UBE2D2: variants seen among roughly 807,000 people sequenced by gnomAD.
The protein encoded by UBE2D2 is ubiquitin conjugating enzyme E2 D2.
Under a neutral mutation model 24.2 loss-of-function variants are expected in UBE2D2, and 2 were observed. The ratio of observed to expected loss-of-function variants is 0.08; its 90% CI spans 0.03 to 0.26. UBE2D2 has a LOEUF of 0.26. Among genes scored for constraint, UBE2D2 ranks in the 10% least tolerant of loss-of-function variants. UBE2D2 has a pLI of 1.00. For synonymous variants in UBE2D2, 58 were observed against 56.5 expected (o/e 1.03, Z -0.12); for missense variants, 44 against 177.6 (o/e 0.25, Z 4.28).
At chr5:139,622,921 T>G (rs1251658154) in intron 5 of UBE2D2, among the ~76,000 whole-genome samples, 1 of 140,966 alleles carries the variant, frequency 7.1e-6, no homozygotes. Flanking sequence ...AAAAAACTAT[T>G]TGCCAGGTGT....
intron 1 of UBE2D2, among the ~76,000 whole-genome samples, chr5:139,535,165 G>C (rs1427892861): frequency 6.7e-6 from 1 of 148,272 alleles, no homozygotes; most frequent in Non-Finnish European, 1.5e-5. Context: ...AATAAATAAA[G>C]TCAGGGTGTG....
intron 1 of UBE2D2, among the ~76,000 whole-genome samples, chr5:139,578,249 G>A (rs1470238637): frequency 6.6e-6 from 1 of 152,166 alleles, no homozygotes; most frequent in Non-Finnish European, 1.5e-5. Context: ...GCAAGGAACA[G>A]CTGTTTGTCT....
At chr5:139,568,300 C>T (rs181364022) in intron 1 of UBE2D2, among the ~76,000 whole-genome samples, 3 of 150,976 alleles carry the variant, frequency 2.0e-5, no homozygotes, top group South Asian at 2.1e-4. Context: ...GCCAAGATCT[C>T]GCCACTGCAC....
At chr5:139,624,022 C>CTAT (rs1754568193) in intron 6 of UBE2D2, among the ~76,000 whole-genome samples, 1 of 152,114 alleles carries the variant, frequency 6.6e-6, no homozygotes, top group South Asian at 2.1e-4. Context: ...TTTTCAACAG[C>CTAT]TTAATGCCTT....
intron 2 of UBE2D2, among the ~76,000 whole-genome samples, chr5:139,603,896 C>T (rs1353535204): frequency 6.6e-6 from 1 of 151,920 alleles, no homozygotes; most frequent in East Asian, 1.9e-4. Context: ...CTGCAGTGAG[C>T]CGAGATCACG....
intron 1 of UBE2D2, among the ~76,000 whole-genome samples, chr5:139,547,164 G>A (rs577129374): frequency 6.6e-6 from 1 of 151,624 alleles, no homozygotes; most frequent in Non-Finnish European, 1.5e-5. Context: ...AGTGGCGGGC[G>A]CCTGTAGTCC....
At chr5:139,555,924 CAAAAAAAA>C (rs1168084041) in intron 1 of UBE2D2, among the ~76,000 whole-genome samples, 60 of 9,310 alleles carry the variant, frequency 6.4e-3, no homozygotes, top group Non-Finnish European at 9.2e-3. Flanking sequence ...GACTCCATCT[CAAAAAAAA>C]AAAAAAAAAA....
chr5:139,595,488 C>T (rs1031456651), intron 1 of UBE2D2, among the ~76,000 whole-genome samples: 2 of 152,072 alleles, frequency 1.3e-5, no homozygotes, highest in African/African-American at 4.8e-5. Flanking sequence ...AAGCGATTCT[C>T]CTGCCTCAGG....
At chr5:139,586,466 TAAA>T (rs1753727626) in intron 1 of UBE2D2, among the ~76,000 whole-genome samples, 1 of 152,016 alleles carries the variant, frequency 6.6e-6, no homozygotes. Context: ...ATGATGAGTC[TAAA>T]AAAGAATTTT....
intron 1 of UBE2D2, among the ~76,000 whole-genome samples, chr5:139,527,685 T>A (rs1186815148): frequency 6.6e-6 from 1 of 152,162 alleles, no homozygotes; most frequent in Admixed American, 6.5e-5. Context: ...AAAAGAATGT[T>A]TGTAATAAGT....
chr5:139,564,938 T>C (rs1231566318), intron 1 of UBE2D2, among the ~76,000 whole-genome samples: 2 of 152,210 alleles, frequency 1.3e-5, no homozygotes, highest in Non-Finnish European at 2.9e-5. Flanking sequence ...TCCAAACTCT[T>C]TGTACCACAA....
At chr5:139,529,481 G>T (rs914526791) in intron 1 of UBE2D2, among the ~76,000 whole-genome samples, 5 of 152,120 alleles carry the variant, frequency 3.3e-5, no homozygotes, top group Admixed American at 2.6e-4. Flanking sequence ...ATATTTATGC[G>T]AGATGTGTCA....
intron 1 of UBE2D2, among the ~76,000 whole-genome samples, chr5:139,534,223 A>T (rs1352450350): frequency 1.3e-5 from 2 of 151,850 alleles, no homozygotes; most frequent in Non-Finnish European, 2.9e-5. Flanking sequence ...ACCTGAGGTC[A>T]GGAGTTCGAG....
chr5:139,573,308 A>T (rs1209548796), intron 1 of UBE2D2, among the ~76,000 whole-genome samples: 1 of 151,940 alleles, frequency 6.6e-6, no homozygotes, highest in African/African-American at 2.4e-5. Context: ...TCTCAAAAAA[A>T]AAAAGAAAAA....
chr5:139,567,529 GTT>G (rs33998713), intron 1 of UBE2D2, among the ~76,000 whole-genome samples: 5 of 100,114 alleles, frequency 5.0e-5, no homozygotes, highest in African/African-American at 4.3e-5. Flanking sequence ...AATTTGCTAA[GTT>G]TTTTTTTTTT....
At chr5:139,589,142 C>G (rs1753791220) in intron 1 of UBE2D2, among the ~76,000 whole-genome samples, 1 of 152,046 alleles carries the variant, frequency 6.6e-6, no homozygotes, top group Non-Finnish European at 1.5e-5. Context: ...ACCTGTAATC[C>G]CAGCTACTTG....
chr5:139,529,500 C>T (rs1172281871), intron 1 of UBE2D2, among the ~76,000 whole-genome samples: 1 of 152,104 alleles, frequency 6.6e-6, no homozygotes, highest in East Asian at 1.9e-4. Flanking sequence ...CAATACTGGT[C>T]TTGTGTCATT....
intron 1 of UBE2D2, among the ~76,000 whole-genome samples, chr5:139,528,410 A>G: frequency 6.6e-6 from 1 of 152,070 alleles, no homozygotes; most frequent in Non-Finnish European, 1.5e-5. Flanking sequence ...AACTCTTTAC[A>G]CTCTGTGTCA....
chr5:139,599,981 C>G (rs1754039109), intron 1 of UBE2D2, among the ~76,000 whole-genome samples: 1 of 151,800 alleles, frequency 6.6e-6, no homozygotes, highest in Admixed American at 6.6e-5. Flanking sequence ...TTTTTTCTAT[C>G]TTCAGTAGAG....
Sources: allele counts gnomAD v4.1 joint callset (sites outside exome capture counted in the v4.1 genomes callset), GRCh38; gene constraint gnomAD v4.1.1; transcripts MANE v1.5; gene names NCBI Gene and HGNC (gene_info 2026-07-23, HGNC 2026-07-21).